The following COL5A2 variants were observed in gnomAD, a reference collection of about 807,000 sequenced individuals.
COL5A2 encodes the protein collagen type V alpha 2 chain.
Under a neutral mutation model 208.2 loss-of-function variants are expected in COL5A2, and 23 were observed. That is an observed-to-expected ratio of 0.11 (90% confidence interval 0.08 to 0.16). COL5A2 has a LOEUF of 0.16. COL5A2 is among the 10% of genes least tolerant of loss of function. The pLI is 1.00. For missense variants in COL5A2, 1,590 were observed against 1,956.4 expected (o/e 0.81, Z 3.53); for synonymous variants, 625 against 628.5 (o/e 0.99, Z 0.08).
chr2:189,097,388 TA>T (rs1559102835), intron 5 of COL5A2, 58 bp from the exon 6 acceptor site: 2 of 1,575,888 alleles, frequency 1.3e-6, no homozygotes, highest in South Asian at 2.2e-5. Context: ...ATTGAATTTT[TA>T]AAAGTCTACT....
At chr2:189,070,005 A>G (rs540290264) in intron 18 of COL5A2, among the ~76,000 whole-genome samples, 1 of 152,340 alleles carries the variant, frequency 6.6e-6, no homozygotes, top group Non-Finnish European at 1.5e-5. Flanking sequence ...TTAAGAGCAG[A>G]GTGAAGTGGT....
At chr2:189,226,016 C>T (rs978939839), upstream of COL5A2, among the ~76,000 whole-genome samples, 3 of 152,104 alleles carry the variant, frequency 2.0e-5, no homozygotes, top group African/African-American at 7.2e-5. Context: ...TAGTTTTCAC[C>T]TTTACAAAAT....
chr2:189,039,302 G>C lies in COL5A2; in HGVS notation c.3895C>G (p.Leu1299Val). 1 of 1,614,068 alleles carries C rather than the reference G, an allele frequency of 6.2e-7. No homozygotes were observed. The highest frequency in any genetic ancestry group is 8.5e-7 in the Non-Finnish European group (1 of 1,179,994). Residue 1299 changes from leucine to valine, a missense_variant, in exon 51 of 54, where the codon CTA becomes GTA. Coordinates refer to ENST00000374866, the MANE Select transcript of COL5A2 (RefSeq NM_000393.5). ...TGCTTTGCGGAATGGCAAAGCTTTAGGTCATCACACGTGCGGGCTGGGTGC... is the reference window on the plus strand; with the variant it reads ...TGCTTTGCGGAATGGCAAAGCTTTACGTCATCACACGTGCGGGCTGGGTGC... Reference protein sequence around the residue: ...KKHPARTCDDLKLCHSAKQSG... With the variant: ...KKHPARTCDDVKLCHSAKQSG...
the COL5A2 span, among the ~76,000 whole-genome samples, chr2:189,313,126 G>C: frequency 6.6e-6 from 1 of 152,038 alleles, no homozygotes. Context: ...CTTGAAGACT[G>C]CCTGTCTGAC....
chr2:189,251,987 T>C, the COL5A2 span, among the ~76,000 whole-genome samples: 1 of 152,178 alleles, frequency 6.6e-6, no homozygotes, highest in Non-Finnish European at 1.5e-5. Flanking sequence ...AAGACATTTA[T>C]GCAGCCAAAA....
the COL5A2 span, among the ~76,000 whole-genome samples, chr2:189,322,876 G>A: frequency 6.6e-6 from 1 of 152,116 alleles, no homozygotes; most frequent in Non-Finnish European, 1.5e-5. Flanking sequence ...AACAAAAAAA[G>A]AGAATTTTAG....
chr2:189,246,443 G>T, the COL5A2 span, among the ~76,000 whole-genome samples: 1 of 152,158 alleles, frequency 6.6e-6, no homozygotes, highest in South Asian at 2.1e-4. Context: ...TAAGCTTTGA[G>T]AAATTTCCTA....
chr2:189,404,055 T>A, the COL5A2 span, among the ~76,000 whole-genome samples: 1 of 152,202 alleles, frequency 6.6e-6, no homozygotes, highest in African/African-American at 2.4e-5. Flanking sequence ...AAGGACTCAC[T>A]TGATTAAGTC....
intron 1 of COL5A2, among the ~76,000 whole-genome samples, chr2:189,222,345 T>TG (rs1214027888): frequency 6.6e-6 from 1 of 152,182 alleles, no homozygotes. Flanking sequence ...CACATATATA[T>TG]GTATTTCAAG....
chr2:189,105,470 T>A (rs749640116), intron 2 of COL5A2, among the ~76,000 whole-genome samples: 80 of 151,726 alleles, frequency 5.3e-4, no homozygotes, highest in South Asian at 1.2e-3. Context: ...ATTTGACAGT[T>A]TTGTCATATA....
the COL5A2 span, among the ~76,000 whole-genome samples, chr2:189,266,971 T>C: frequency 1.3e-5 from 2 of 151,248 alleles, no homozygotes. Context: ...AAATAAATAT[T>C]ATATTAAAAC....
chr2:189,122,668 A>C (rs374210903), intron 1 of COL5A2, among the ~76,000 whole-genome samples: 1 of 152,314 alleles, frequency 6.6e-6, no homozygotes, highest in East Asian at 1.9e-4. Flanking sequence ...ATTTCTTGAG[A>C]ATGAAAAATA....
chr2:189,110,112 C>CA, intron 2 of COL5A2, 113 bp downstream of exon 2: 2 of 850,504 alleles, frequency 2.4e-6, no homozygotes, highest in Non-Finnish European at 4.0e-6. Context: ...CAAAAGCCAC[C>CA]AAAAAAGCTG....
the COL5A2 span, among the ~76,000 whole-genome samples, chr2:189,428,572 T>C: frequency 2.0e-5 from 3 of 152,150 alleles, no homozygotes; most frequent in East Asian, 5.8e-4. Flanking sequence ...GAGCCAAGAC[T>C]GTGCCACTGC....
At chr2:189,129,637 T>A (rs1687673244) in intron 1 of COL5A2, among the ~76,000 whole-genome samples, 1 of 152,080 alleles carries the variant, frequency 6.6e-6, no homozygotes, top group South Asian at 2.1e-4. Flanking sequence ...AGTTATAGTG[T>A]ATGATTTAGG....
chr2:189,340,199 C>T, the COL5A2 span, among the ~76,000 whole-genome samples: 1 of 152,160 alleles, frequency 6.6e-6, no homozygotes, highest in African/African-American at 2.4e-5. Flanking sequence ...TCCATTCAGT[C>T]AGTGGGGGGC....
chr2:189,242,708 T>C, the COL5A2 span, among the ~76,000 whole-genome samples: 1 of 152,238 alleles, frequency 6.6e-6, no homozygotes, highest in Non-Finnish European at 1.5e-5. Context: ...TAAACTATAT[T>C]TTCAAACAAA....
At position 189,175,159 on chromosome 2, in the gene COL5A2, G is replaced by T. The variant is rs533553736; in HGVS notation, c.97+4349C>A. Among the ~76,000 whole-genome samples the T allele has an allele frequency of 6.6e-5, 10 of 152,266 alleles. No individual in the cohort carries two copies. In the East Asian group the frequency reaches 1.9e-3, roughly 29 times the overall value. On this transcript the variant is annotated intron_variant, in intron 1 of 53. Transcript: ENST00000374866. The stretch of plus-strand genomic sequence containing the variant: ...CTTCATAGCAGAACTCAATTCAGTA[G>T]AGTATATTGCCAGCACCACCCAGGT...
Position 189,156,836 on chromosome 2 carries a change from G to A in COL5A2, c.97+22672C>T, listed in dbSNP as rs184777927. ...AAATCCACTATTAATTCACACTAGC[G>A]AATATAATAAGCATATATAGTCTAT... On this transcript the variant is annotated intron_variant, in intron 1 of 53. Coordinates refer to ENST00000374866, the MANE Select transcript of COL5A2 (RefSeq NM_000393.5). Among the ~76,000 whole-genome samples, 185 of 152,020 alleles carry A rather than the reference G, an allele frequency of 1.2e-3. 1 individual carries two copies. Among genetic ancestry groups the A allele is most frequent in the African/African-American group, 4.3e-3 (179 of 41,510 alleles).
Sources: gnomAD v4.1 joint callset for allele counts (sites outside exome capture counted in the v4.1 genomes callset) on GRCh38, gnomAD v4.1.1 for gene constraint, MANE v1.5 for transcripts, NCBI Gene and HGNC (gene_info 2026-07-23, HGNC 2026-07-21) for gene names.